Variants in ZFHX3 observed in about 807,000 individuals in gnomAD.
ZFHX3 encodes zinc finger homeobox protein 3.
Under a neutral mutation model 279.1 loss-of-function variants are expected in ZFHX3, and 42 were observed. That is an observed-to-expected ratio of 0.15 (90% CI 0.12 to 0.19). The LOEUF (loss-of-function observed/expected upper bound fraction) is 0.19, where lower values mean the gene tolerates loss of function less well. Ranked by LOEUF, ZFHX3 falls within the 10% of genes least tolerant of loss-of-function variation. ZFHX3 has a pLI of 1.00. For missense variants in ZFHX3, 4,981 were observed against 4,754.0 expected, an observed-to-expected ratio of 1.05 and a Z score of -1.40; for synonymous variants, 2,293 against 1,957.8, an observed-to-expected ratio of 1.17 and a Z score of -4.52.
intron 3 of ZFHX3, among the ~76,000 whole-genome samples, chr16:73,365,180 T>G (rs1444723580): frequency 6.6e-6 from 1 of 152,226 alleles, no homozygotes; most frequent in Non-Finnish European, 1.5e-5. Flanking sequence ...CTCCGGTACT[T>G]GGCAAGGTGC....
At chr16:72,863,618 G>A (rs528743199) in intron 4 of ZFHX3, among the ~76,000 whole-genome samples, 2 of 152,158 alleles carry the variant, frequency 1.3e-5, no homozygotes, top group Non-Finnish European at 2.9e-5. Flanking sequence ...AACGGAAGCA[G>A]GGAGTGAGGG....
chr16:72,897,854 C>T (rs1167012556), intron 3 of ZFHX3, among the ~76,000 whole-genome samples: 3 of 148,766 alleles, frequency 2.0e-5, no homozygotes, highest in Non-Finnish European at 1.5e-5. Flanking sequence ...CAAGGTCACA[C>T]AGAGCATGGA....
chr16:73,596,758 A>G (rs2052054930), intron 2 of ZFHX3, among the ~76,000 whole-genome samples: 1 of 152,226 alleles, frequency 6.6e-6, no homozygotes, highest in African/African-American at 2.4e-5. Context: ...TCTACTGAAC[A>G]GTAAGCTTCT....
chr16:72,808,678 C>T (rs1352848815), intron 7 of ZFHX3, among the ~76,000 whole-genome samples: 2 of 152,154 alleles, frequency 1.3e-5, no homozygotes, highest in Non-Finnish European at 2.9e-5. Context: ...AGATGAGGAA[C>T]ATAGAGGTTT....
At chr16:73,100,661 C>T (rs1966219952) in intron 7 of ZFHX3, among the ~76,000 whole-genome samples, 1 of 151,832 alleles carries the variant, frequency 6.6e-6, no homozygotes, top group Non-Finnish European at 1.5e-5. Context: ...CTCACTACCA[C>T]CTCTGCCTCC....
At chr16:72,938,676 C>T (rs1442410800) in intron 3 of ZFHX3, among the ~76,000 whole-genome samples, 1 of 152,152 alleles carries the variant, frequency 6.6e-6, no homozygotes, top group Admixed American at 6.5e-5. Context: ...AACCCCAAAG[C>T]ACTAAACACT....
At chr16:72,855,310 G>A (rs919124858) in intron 4 of ZFHX3, among the ~76,000 whole-genome samples, 8 of 152,208 alleles carry the variant, frequency 5.3e-5, no homozygotes, top group Non-Finnish European at 1.0e-4. Context: ...CCCCAACGCT[G>A]GAGCGCGTGC....
At chr16:73,794,581 A>G (rs1959936382) in intron 1 of ZFHX3, among the ~76,000 whole-genome samples, 1 of 152,046 alleles carries the variant, frequency 6.6e-6, no homozygotes, top group Admixed American at 6.6e-5. Flanking sequence ...CTGAGAGGGG[A>G]CATAGGGACC....
intron 3 of ZFHX3, among the ~76,000 whole-genome samples, chr16:73,433,895 A>C (rs944879717): frequency 1.3e-5 from 2 of 152,226 alleles, no homozygotes; most frequent in African/African-American, 4.8e-5. Context: ...ACGAGGCTGC[A>C]CTGGGGTTAT....
intron 4 of ZFHX3, chr16:73,293,862 C>T (rs913648968): frequency 3.3e-5 from 5 of 152,000 alleles, no homozygotes; most frequent in Admixed American, 1.3e-4. Flanking sequence ...CCAAAGACCT[C>T]GAGGATTTGG....
At chr16:73,402,782 T>C (rs2017282866) in intron 3 of ZFHX3, among the ~76,000 whole-genome samples, 1 of 152,078 alleles carries the variant, frequency 6.6e-6, no homozygotes, top group Admixed American at 6.5e-5. Context: ...GAGGGAGGGC[T>C]GTTAATGTCA....
intron 3 of ZFHX3, among the ~76,000 whole-genome samples, chr16:73,332,460 T>A (rs945687101): frequency 6.6e-6 from 1 of 152,114 alleles, no homozygotes; most frequent in Non-Finnish European, 1.5e-5. Context: ...GCACCTGGAG[T>A]TACAGAGGGT....
At chr16:72,863,652 T>C (rs2037942644) in intron 4 of ZFHX3, among the ~76,000 whole-genome samples, 1 of 152,158 alleles carries the variant, frequency 6.6e-6, no homozygotes, top group Non-Finnish European at 1.5e-5. Flanking sequence ...GAAACAGGAC[T>C]GGCTGTGAGT....
chr16:73,042,746 T>A (rs1965163082), intron 1 of ZFHX3, among the ~76,000 whole-genome samples: 1 of 152,018 alleles, frequency 6.6e-6, no homozygotes, highest in South Asian at 2.1e-4. Context: ...CAGCAGCAGA[T>A]GAAAACTCCA....
upstream of ZFHX3, chr16:73,062,308 T>C (rs1316322037): frequency 6.6e-6 from 1 of 152,202 alleles, no homozygotes; most frequent in African/African-American, 2.4e-5. Context: ...AAATATACAT[T>C]TGAATGACTT....
chr16:73,749,600 C>T lies in ZFHX3; in HGVS notation c.-1607-69360G>A, dbSNP rs1038827450. ...ACAGAATAACACAACAAAGACCAAC[C>T]AGTGAGAAAATAAAGCACCAGGTAA... On this transcript the variant is annotated intron_variant, in intron 1 of 17. Coordinates refer to the ZFHX3 transcript ENST00000641206. 3.2e-4 allele frequency among the ~76,000 whole-genome samples: 48 copies of T among 152,078 alleles called. 1 individual carries two copies. Among genetic ancestry groups the T allele is most frequent in the African/African-American group, 1.0e-3 (43 of 41,386 alleles).
At chr16:72,911,321 C>T (rs1211843829) in intron 3 of ZFHX3, among the ~76,000 whole-genome samples, 2 of 152,214 alleles carry the variant, frequency 1.3e-5, no homozygotes, top group Non-Finnish European at 2.9e-5. Flanking sequence ...CACTGTAACA[C>T]ATGGAACTAT....
At chr16:73,530,422 C>T (rs2019778186) in intron 2 of ZFHX3, among the ~76,000 whole-genome samples, 1 of 152,140 alleles carries the variant, frequency 6.6e-6, no homozygotes, top group African/African-American at 2.4e-5. Flanking sequence ...CAGGTGTGAC[C>T]AGTACTTCCA....
rs748819429 is a variant in ZFHX3 at position 72,797,240 on chromosome 16, G to A, written c.5442C>T (p.Ser1814=). ...SAEFQLNPEV[S]LPVTSGALTL... is the part of the protein sequence containing the mutation. Reference sequence around the variant, plus strand: ...TCAGTGCCCCACTGGTCACTGGCAAGCTCACCTCGGGGTTAAGCTGGAACT... The same window carrying A: ...TCAGTGCCCCACTGGTCACTGGCAAACTCACCTCGGGGTTAAGCTGGAACT... The change falls in exon 9 of 10, where the codon AGC becomes AGT. Residue 1814 remains serine (S), a synonymous_variant. Coordinates refer to ENST00000268489, the MANE Select transcript of ZFHX3 (RefSeq NM_006885.4). 5 of 1,613,918 alleles carry A rather than the reference G, an allele frequency of 3.1e-6. No individual in the cohort carries two copies. Among genetic ancestry groups the A allele is most frequent in the Non-Finnish European group, 3.4e-6 (4 of 1,179,940 alleles).
Sources: allele counts gnomAD v4.1 joint callset (sites outside exome capture counted in the v4.1 genomes callset), GRCh38; gene constraint gnomAD v4.1.1; transcripts MANE v1.5; gene names NCBI Gene and HGNC (gene_info 2026-07-23, HGNC 2026-07-21).